The following STMND1 variants were observed in gnomAD, a reference collection of about 807,000 sequenced individuals.
The protein encoded by STMND1 is stathmin domain-containing protein 1.
Under a neutral mutation model 23.0 loss-of-function variants are expected in STMND1, and 17 were observed. That is an observed-to-expected ratio of 0.74 (90% confidence interval 0.51 to 1.11). The LOEUF (loss-of-function observed/expected upper bound fraction) is 1.11. STMND1 is among the 50% of genes least tolerant of loss of function. The pLI, the probability that STMND1 is intolerant of heterozygous loss-of-function variation, is 0.00. For synonymous variants in STMND1, 114 were observed against 119.9 expected, an observed-to-expected ratio of 0.95 and a Z score of 0.32; for missense variants, 305 against 329.1, an observed-to-expected ratio of 0.93 and a Z score of 0.57.
At position 17,115,635 on chromosome 6, in the gene STMND1, A is replaced by G. The variant is rs373928695; in HGVS notation, c.259+496A>G. Among the ~76,000 whole-genome samples the G allele has an allele frequency of 3.3e-4, 51 of 152,326 alleles. No individual in the cohort carries two copies. The East Asian group carries it at 8.3e-3, about 25-fold the overall frequency. On this transcript the variant is annotated intron_variant, in intron 2 of 4. Transcript: ENST00000536551. ...GAGGTAGTTATGATTTACTTGTGCT[A>G]TTTAGAAACTATTTGTGGGTTTTCC...
intron 3 of STMND1, among the ~76,000 whole-genome samples, chr6:17,127,287 C>T (rs1440278962): frequency 6.6e-6 from 1 of 152,212 alleles, no homozygotes; most frequent in African/African-American, 2.4e-5. Context: ...TGGAGGCTCA[C>T]GCCTGTAATC....
chr6:17,105,877 A>G (rs1333409124), intron 1 of STMND1, among the ~76,000 whole-genome samples: 2 of 152,148 alleles, frequency 1.3e-5, no homozygotes, highest in African/African-American at 4.8e-5. Flanking sequence ...GTGAGCCAAG[A>G]TGGCGCCACT....
At chr6:17,107,558 G>C (rs1203095351) in intron 1 of STMND1, among the ~76,000 whole-genome samples, 1 of 151,922 alleles carries the variant, frequency 6.6e-6, no homozygotes, top group African/African-American at 2.4e-5. Flanking sequence ...ATAATATGCA[G>C]GTATACTTCT....
At chr6:17,117,260 G>A (rs541760733) in intron 2 of STMND1, among the ~76,000 whole-genome samples, 1 of 152,020 alleles carries the variant, frequency 6.6e-6, no homozygotes, top group African/African-American at 2.4e-5. Flanking sequence ...GCAGAGATGG[G>A]GTTTCATCAT....
chr6:17,122,610 T>C (rs1034655578), intron 3 of STMND1, among the ~76,000 whole-genome samples: 6 of 152,050 alleles, frequency 3.9e-5, no homozygotes, highest in African/African-American at 1.4e-4. Flanking sequence ...CAAAGTGGCA[T>C]TTTCTTTTGA....
intron 4 of STMND1, 42 bp from the exon 5 acceptor site, chr6:17,130,552 A>G (rs1761376249): frequency 5.0e-6 from 7 of 1,410,286 alleles, no homozygotes; most frequent in Non-Finnish European, 6.5e-6. Flanking sequence ...ACTTGGAGAA[A>G]GTTATTCACG....
intron 3 of STMND1, among the ~76,000 whole-genome samples, chr6:17,122,595 A>G (rs1040556800): frequency 6.6e-6 from 1 of 152,186 alleles, no homozygotes; most frequent in Non-Finnish European, 1.5e-5. Context: ...CTCATGAATA[A>G]AAGCCAAAGT....
At chr6:17,126,047 TATATATATATATATATA>T (rs1561925673) in intron 3 of STMND1, among the ~76,000 whole-genome samples, 1 of 30,346 alleles carries the variant, frequency 3.3e-5, no homozygotes, top group African/African-American at 1.6e-4. Flanking sequence ...TATATATATA[TATATATATATATATATA>T]TATATATTTT....
intron 1 of STMND1, among the ~76,000 whole-genome samples, chr6:17,113,184 C>T (rs916047022): frequency 1.3e-4 from 20 of 152,286 alleles, no homozygotes; most frequent in Non-Finnish European, 1.6e-4. Context: ...TATCAATCAA[C>T]GTTCTACCAG....
At chr6:17,122,800 T>C (rs1338389148) in intron 3 of STMND1, among the ~76,000 whole-genome samples, 1 of 152,144 alleles carries the variant, frequency 6.6e-6, no homozygotes, top group African/African-American at 2.4e-5. Context: ...AATGACAATT[T>C]ACATTTGCAC....
chr6:17,121,721 G>A (rs1201408203), intron 3 of STMND1, among the ~76,000 whole-genome samples: 1 of 152,048 alleles, frequency 6.6e-6, no homozygotes, highest in African/African-American at 2.4e-5. Context: ...CAAACATGAG[G>A]AATTAAATAG....
chr6:17,119,237 A>T (rs1392873693), intron 2 of STMND1, among the ~76,000 whole-genome samples: 1 of 152,228 alleles, frequency 6.6e-6, no homozygotes, highest in African/African-American at 2.4e-5. Flanking sequence ...CTAAGATAGG[A>T]GGAAAACTGT....
chr6:17,104,986 C>T (rs907270526), intron 1 of STMND1, among the ~76,000 whole-genome samples: 4 of 152,066 alleles, frequency 2.6e-5, no homozygotes, highest in African/African-American at 4.8e-5. Flanking sequence ...TAAAAAAAAA[C>T]TGTACTGAAC....
chr6:17,124,918 G>A (rs1411535401), intron 3 of STMND1, among the ~76,000 whole-genome samples: 5 of 151,794 alleles, frequency 3.3e-5, no homozygotes, highest in Admixed American at 6.6e-5. Flanking sequence ...AGGATCACTT[G>A]AGCCTGGAAG....
intron 1 of STMND1, among the ~76,000 whole-genome samples, chr6:17,108,522 C>G (rs1761055027): frequency 6.6e-6 from 1 of 152,028 alleles, no homozygotes; most frequent in Admixed American, 6.6e-5. Flanking sequence ...GATCTGCAAA[C>G]CAAAATAAAC....
intron 1 of STMND1, among the ~76,000 whole-genome samples, chr6:17,106,237 T>A (rs1761023291): frequency 6.6e-6 from 1 of 152,338 alleles, no homozygotes; most frequent in East Asian, 1.9e-4. Context: ...TCTGCCACCA[T>A]GCTGGCAGGG....
At chr6:17,127,465 G>A (rs182929730) in intron 3 of STMND1, among the ~76,000 whole-genome samples, 9 of 152,280 alleles carry the variant, frequency 5.9e-5, no homozygotes, top group African/African-American at 1.9e-4. Flanking sequence ...CAGGTGAATC[G>A]CTTGAACCCG....
intron 3 of STMND1, among the ~76,000 whole-genome samples, chr6:17,123,472 C>T (rs1761258371): frequency 6.6e-6 from 1 of 152,084 alleles, no homozygotes; most frequent in Admixed American, 6.5e-5. Context: ...TCCAGTGGTC[C>T]TTAACCCGCC....
chr6:17,120,559 T>A, intron 2 of STMND1, 48 bp from the exon 3 acceptor site: 1 of 1,416,936 alleles, frequency 7.1e-7, no homozygotes, highest in Non-Finnish European at 9.2e-7. Flanking sequence ...TGAAAAAATC[T>A]TCATTCTTAA....
Sources: allele counts gnomAD v4.1 joint callset (sites outside exome capture counted in the v4.1 genomes callset), GRCh38; gene constraint gnomAD v4.1.1; transcripts MANE v1.5; gene names NCBI Gene and HGNC (gene_info 2026-07-23, HGNC 2026-07-21).